The following PRDM16 variants were observed in gnomAD, a reference collection of about 807,000 sequenced individuals.
The protein encoded by PRDM16 is PR/SET domain 16.
PRDM16 carries 23 observed loss-of-function variants against 110.6 expected under a neutral mutation model. The observed-to-expected ratio is 0.21, with a 90% CI of 0.15 to 0.29. PRDM16 has a LOEUF of 0.29. Among genes scored for constraint, PRDM16 ranks in the 10% least tolerant of loss-of-function variants. The pLI is 1.00. For synonymous variants in PRDM16, 799 were observed against 781.8 expected (o/e 1.02, Z -0.37); for missense variants, 1,615 against 1,794.3 (o/e 0.90, Z 1.81).
intron 1 of PRDM16, among the ~76,000 whole-genome samples, chr1:3,097,300 A>G (rs1642427110): frequency 6.6e-6 from 1 of 152,216 alleles, no homozygotes; most frequent in Non-Finnish European, 1.5e-5. Flanking sequence ...TGAGTACAGA[A>G]AGGACGTGAC....
chr1:3,211,548 C>T (rs1638883132), intron 2 of PRDM16, among the ~76,000 whole-genome samples: 1 of 152,230 alleles, frequency 6.6e-6, no homozygotes, highest in Non-Finnish European at 1.5e-5. Flanking sequence ...AGGTTGGGTC[C>T]AGCTCCCTCT....
intron 12 of PRDM16, among the ~76,000 whole-genome samples, chr1:3,424,254 G>C (rs555750583): frequency 6.6e-6 from 1 of 152,168 alleles, no homozygotes; most frequent in Non-Finnish European, 1.5e-5. Flanking sequence ...TGCACATGTC[G>C]CTCAGGCCCC....
At chr1:3,191,971 G>A (rs1185891561) in intron 2 of PRDM16, among the ~76,000 whole-genome samples, 4 of 152,226 alleles carry the variant, frequency 2.6e-5, no homozygotes, top group Admixed American at 6.5e-5. Context: ...CCGATGGCAG[G>A]AGGGGCAATG....
At chr1:3,381,910 T>A (rs1643108613) in intron 3 of PRDM16, among the ~76,000 whole-genome samples, 1 of 152,206 alleles carries the variant, frequency 6.6e-6, no homozygotes, top group African/African-American at 2.4e-5. Context: ...CCACCACCTG[T>A]ACAGGGGCTG....
chr1:3,336,060 C>T (rs1642139362), intron 3 of PRDM16, among the ~76,000 whole-genome samples: 1 of 152,226 alleles, frequency 6.6e-6, no homozygotes, highest in Non-Finnish European at 1.5e-5. Context: ...CGCTGATGTG[C>T]AGAACCCCAA....
chr1:3,260,814 T>TTGA (rs376380413), intron 3 of PRDM16, among the ~76,000 whole-genome samples: 731 of 31,376 alleles, frequency 0.023, 9 homozygotes, highest in African/African-American at 0.079. Flanking sequence ...GATGATACCA[T>TTGA]TGATGATGAC....
intron 3 of PRDM16, among the ~76,000 whole-genome samples, chr1:3,254,820 T>C (rs28883366): frequency 0.86 from 130,520 of 150,934 alleles, 57,663 homozygotes; most frequent in Non-Finnish European, 0.95. Flanking sequence ...AAAGTTCATA[T>C]GGAACCAAAA....
At chr1:3,162,525 C>A (rs1462513276) in intron 1 of PRDM16, among the ~76,000 whole-genome samples, 1 of 152,058 alleles carries the variant, frequency 6.6e-6, no homozygotes, top group East Asian at 1.9e-4. Flanking sequence ...CGCAGGCCCA[C>A]GAAGGTCGTC....
At chr1:3,191,869 G>A (rs78466602) in intron 2 of PRDM16, among the ~76,000 whole-genome samples, 2,023 of 152,254 alleles carry the variant, frequency 0.013, 42 homozygotes, top group African/African-American at 0.046. Context: ...TAAAGGCACC[G>A]TGAGGCAGGC....
chr1:3,401,884 A>C (rs1277415064), intron 5 of PRDM16, among the ~76,000 whole-genome samples: 1 of 82,652 alleles, frequency 1.2e-5, no homozygotes, highest in Admixed American at 1.8e-4. Context: ...AGTGCACACA[A>C]ATATTCACGC....
intron 1 of PRDM16, among the ~76,000 whole-genome samples, chr1:3,181,644 G>GCA (rs1365341560): frequency 8.6e-5 from 10 of 115,948 alleles, no homozygotes; most frequent in Admixed American, 3.6e-4. Flanking sequence ...TCTTACACAC[G>GCA]GTCTTACACA....
intron 2 of PRDM16, among the ~76,000 whole-genome samples, chr1:3,228,927 C>T (rs1440121233): frequency 1.3e-5 from 2 of 152,258 alleles, no homozygotes; most frequent in Non-Finnish European, 2.9e-5. Flanking sequence ...CCCCTCTTTT[C>T]AGTCCTTGGG....
In PRDM16 at chr1:3,150,349, A is replaced by G. The variant is rs146863566; in HGVS notation, c.38-35776A>G. ...GTTGGGCAGGTGACTTGTGGTCAGG[A>G]GTTCGAGACCAGCCTGGCCAACATG... On this transcript the variant is annotated intron_variant, in intron 1 of 16. Transcript: ENST00000270722. Among the ~76,000 whole-genome samples, 30 of 148,918 alleles carry G rather than the reference A, an allele frequency of 2.0e-4. No individual in the cohort carries two copies. In the East Asian group the frequency reaches 6.2e-3, roughly 31 times the overall value.
chr1:3,331,223 C>T (rs761400860), intron 3 of PRDM16, among the ~76,000 whole-genome samples: 3 of 152,138 alleles, frequency 2.0e-5, no homozygotes, highest in Non-Finnish European at 1.5e-5. Flanking sequence ...GGGGAAGCTG[C>T]GCAACTTCTC....
At chr1:3,114,294 C>G (rs1188795181) in intron 1 of PRDM16, among the ~76,000 whole-genome samples, 1 of 122,926 alleles carries the variant, frequency 8.1e-6, no homozygotes, top group Non-Finnish European at 1.7e-5. Context: ...GCAGTGGAAA[C>G]GCACACGCAC....
rs750974049 is a variant in PRDM16 at position 3,265,257 on chromosome 1, C to T, written c.438+21120C>T. On this transcript the variant is annotated intron_variant, in intron 3 of 16. Transcript: ENST00000270722. This position sits in a 1 kb window ranked among gnomAD's most constrained non-coding sequence, Gnocchi z 4.5. ...TGGCTTGACAACAGCTTGTCCCTTA[C>T]GGTTGGGACAGAAGCCTCAGGGTGC... Among the ~76,000 whole-genome samples the T allele has an allele frequency of 6.6e-5, 10 of 152,098 alleles. No individual in the cohort carries two copies. The highest frequency in any genetic ancestry group is 1.4e-4 in the African/African-American group (6 of 41,408).
In PRDM16 at chr1:3,350,064, T is replaced by G. The variant is rs1381473135; in HGVS notation, c.439-35088T>G. ...AGGGCAGAAAAGACCTGGGGCCAGG[T>G]GCAGTGGCCCAAAATCCCAGCACCT... On this transcript the variant is annotated intron_variant, in intron 3 of 16. Coordinates refer to ENST00000270722, the MANE Select transcript of PRDM16 (RefSeq NM_022114.4). This position sits in a 1 kb window ranked among gnomAD's most constrained non-coding sequence, Gnocchi z 7.1. Among the ~76,000 whole-genome samples the G allele has an allele frequency of 6.6e-6, 1 of 152,112 alleles. No homozygotes were observed. Among genetic ancestry groups the G allele is most frequent in the Non-Finnish European group, 1.5e-5 (1 of 68,016 alleles).
At chr1:3,125,851 G>A (rs1404152755) in intron 1 of PRDM16, among the ~76,000 whole-genome samples, 1 of 152,236 alleles carries the variant, frequency 6.6e-6, no homozygotes, top group Non-Finnish European at 1.5e-5. Context: ...ATTCATTAAG[G>A]ACCGGCTCCT....
At chr1:3,323,788 T>C (rs1641820191) in intron 3 of PRDM16, among the ~76,000 whole-genome samples, 1 of 152,220 alleles carries the variant, frequency 6.6e-6, no homozygotes. Flanking sequence ...CCCCGAGTAT[T>C]TACAACTCCT....
Sources: gnomAD v4.1 joint callset for allele counts (sites outside exome capture counted in the v4.1 genomes callset) on GRCh38, gnomAD v4.1.1 for gene constraint, Gnocchi (gnomAD v3.1) non-coding constraint, MANE v1.5 for transcripts, NCBI Gene and HGNC (gene_info 2026-07-23, HGNC 2026-07-21) for gene names.